DCAF5: variants seen among roughly 807,000 people sequenced by gnomAD.
The protein encoded by DCAF5 is DDB1 and CUL4 associated factor 5, also known as DDB1- and CUL4-associated factor 5.
A neutral mutation model predicts 80.7 loss-of-function variants in DCAF5; 9 were observed. The ratio of observed to expected loss-of-function variants is 0.11; its 90% CI spans 0.07 to 0.19. The LOEUF is 0.19. Among genes scored for constraint, DCAF5 ranks in the 10% least tolerant of loss-of-function variants. The probability of loss-of-function intolerance (pLI) is 1.00; values close to 1 mark genes in which losing one functional copy is unlikely to be tolerated. For synonymous variants in DCAF5, 433 were observed against 461.9 expected (o/e 0.94, Z 0.80); for missense variants, 842 against 1,205.7 (o/e 0.70, Z 4.47).
At chr14:69,099,838 T>C (rs1460548588) in intron 5 of DCAF5, among the ~76,000 whole-genome samples, 2 of 151,976 alleles carry the variant, frequency 1.3e-5, no homozygotes, top group Non-Finnish European at 2.9e-5. Context: ...TCCCAGCTAC[T>C]CAGAAGGCTG....
chr14:69,102,591 G>GACACACACACACACACAC (rs143602483), intron 5 of DCAF5, among the ~76,000 whole-genome samples: 7,575 of 124,682 alleles, frequency 0.061, 331 homozygotes, highest in East Asian at 0.12. Context: ...TAAAAACAAA[G>GACACACACACACACACAC]ACACACACAC....
At chr14:69,058,740 G>A (rs1457916134) in intron 8 of DCAF5, among the ~76,000 whole-genome samples, 1 of 151,616 alleles carries the variant, frequency 6.6e-6, no homozygotes, top group Non-Finnish European at 1.5e-5. Context: ...AGGAGTGGTG[G>A]TGTACACCTG....
At chr14:69,114,801 C>T (rs1159449467) in intron 5 of DCAF5, among the ~76,000 whole-genome samples, 1 of 151,974 alleles carries the variant, frequency 6.6e-6, no homozygotes, top group South Asian at 2.1e-4. Flanking sequence ...AGTGAGGAGA[C>T]AAGTGGAAAG....
rs376381362 is a variant in DCAF5, at chr14:69,054,080, C to T, written c.2606G>A (p.Arg869His). ...YSSPGHSDTD[R>H]DNSSLTGTLL... Reference sequence around the variant, plus strand: ...TGTCCCTGTCAGGGACGAGTTATCACGGTCAGTGTCTGAGTGTCCTGGGGA... The same window carrying T: ...TGTCCCTGTCAGGGACGAGTTATCATGGTCAGTGTCTGAGTGTCCTGGGGA... The change falls in exon 9 of 9, where the codon CGT (arginine) becomes CAT (histidine). Residue 869 changes from arginine (R) to histidine (H), a missense_variant. Transcript: ENST00000341516. 6.8e-6 allele frequency: 11 copies of T among 1,614,114 alleles called. No homozygotes were observed. Among genetic ancestry groups the T allele is most frequent in the African/African-American group, 2.7e-5 (2 of 74,934 alleles).
chr14:69,054,878 A>C lies in DCAF5; in HGVS notation c.1808T>G (p.Ile603Ser), dbSNP rs763772712. The C allele has an allele frequency of 6.2e-7, 1 of 1,613,902 alleles. No homozygotes were observed. Among genetic ancestry groups the C allele is most frequent in the Non-Finnish European group, 8.5e-7 (1 of 1,179,964 alleles). The change falls in exon 9 of 9, where the codon ATC becomes AGC. Residue 603 changes from isoleucine (I) to serine (S), a missense_variant. Transcript: ENST00000341516. ...TTREDKPSAP[I>S]KPTNTYIGED... ...TCCAATGTAAGTGTTGGTGGGCTTG[A>C]TTGGGGCACTGGGCTTGTCTTCTCG...
intron 2 of DCAF5, 55 bp downstream of exon 2, chr14:69,122,160 CTT>C: frequency 1.3e-6 from 2 of 1,579,272 alleles, no homozygotes; most frequent in South Asian, 1.1e-5. Flanking sequence ...TTTTCGCACT[CTT>C]TTCTCTAAAA....
intron 8 of DCAF5, among the ~76,000 whole-genome samples, chr14:69,058,915 A>G (rs1471637682): frequency 6.6e-6 from 1 of 151,856 alleles, no homozygotes; most frequent in Non-Finnish European, 1.5e-5. Context: ...AGGAAAAGAA[A>G]GGAAGAAGTG....
intron 6 of DCAF5, chr14:69,084,686 T>C: frequency 3.1e-6 from 4 of 1,273,292 alleles, no homozygotes; most frequent in Non-Finnish European, 4.5e-6. Context: ...ATCTTGTATG[T>C]CCGTGAAATA....
At chr14:69,115,509 A>G (rs1409934573) in intron 5 of DCAF5, among the ~76,000 whole-genome samples, 1 of 152,200 alleles carries the variant, frequency 6.6e-6, no homozygotes, top group Non-Finnish European at 1.5e-5. Flanking sequence ...ACACTGCTTT[A>G]TGAAGTGGGA....
intron 1 of DCAF5, among the ~76,000 whole-genome samples, chr14:69,126,160 T>C (rs1316181639): frequency 6.6e-6 from 1 of 151,988 alleles, no homozygotes; most frequent in East Asian, 1.9e-4. Context: ...AGATTCTTTT[T>C]TTTTTTTTTT....
At chr14:69,126,118 G>T (rs1246620047) in intron 1 of DCAF5, among the ~76,000 whole-genome samples, 1 of 146,076 alleles carries the variant, frequency 6.8e-6, no homozygotes, top group Non-Finnish European at 1.5e-5. Flanking sequence ...AAACTCTAAT[G>T]AACAAAATCA....
chr14:69,116,057 G>T (rs1320814673), intron 5 of DCAF5, among the ~76,000 whole-genome samples: 1 of 151,934 alleles, frequency 6.6e-6, no homozygotes, highest in African/African-American at 2.4e-5. Context: ...ATGCATCTGG[G>T]GAACCCTGGG....
chr14:69,147,008 T>C (rs1292995253), intron 1 of DCAF5, among the ~76,000 whole-genome samples: 1 of 152,178 alleles, frequency 6.6e-6, no homozygotes, highest in Non-Finnish European at 1.5e-5. Flanking sequence ...TTTATTTAAC[T>C]GGCTAAAGCC....
chr14:69,129,137 A>T (rs2040963151), intron 1 of DCAF5, among the ~76,000 whole-genome samples: 1 of 152,130 alleles, frequency 6.6e-6, no homozygotes, highest in African/African-American at 2.4e-5. Context: ...TATTTGTTAA[A>T]TGCCTTGGGA....
chr14:69,108,230 G>A (rs2040231770), intron 5 of DCAF5, among the ~76,000 whole-genome samples: 1 of 152,224 alleles, frequency 6.6e-6, no homozygotes, highest in Admixed American at 6.5e-5. Context: ...ATAGTGCCAG[G>A]TGCCGGGGGA....
At chr14:69,148,184 G>A (rs773510262) in intron 1 of DCAF5, among the ~76,000 whole-genome samples, 9 of 150,640 alleles carry the variant, frequency 6.0e-5, no homozygotes, top group Admixed American at 4.0e-4. Flanking sequence ...AGGAGGCAAT[G>A]AGAGCAATTT....
chr14:69,060,928 T>C (rs1431542768), intron 8 of DCAF5, among the ~76,000 whole-genome samples: 2 of 120,804 alleles, frequency 1.7e-5, no homozygotes, highest in Non-Finnish European at 3.5e-5. Context: ...AAATGAAAAT[T>C]ATGAAATAAA....
At chr14:69,094,868 T>C (rs1156556190) in intron 5 of DCAF5, among the ~76,000 whole-genome samples, 3 of 152,206 alleles carry the variant, frequency 2.0e-5, no homozygotes, top group Admixed American at 1.3e-4. Context: ...CCCAGGTATC[T>C]GAATTTAACC....
intron 1 of DCAF5, among the ~76,000 whole-genome samples, chr14:69,148,068 C>A: frequency 7.8e-6 from 1 of 128,274 alleles, no homozygotes. Flanking sequence ...ATTGGTCATC[C>A]AATCAGAGCC....
Sources: gnomAD v4.1 joint callset for allele counts (sites outside exome capture counted in the v4.1 genomes callset) on GRCh38, gnomAD v4.1.1 for gene constraint, MANE v1.5 for transcripts, NCBI Gene and HGNC (gene_info 2026-07-23, HGNC 2026-07-21) for gene names.